The following PTPRU variants were observed in gnomAD, a reference collection of about 807,000 sequenced individuals.
PTPRU encodes protein tyrosine phosphatase receptor type U.
Under a neutral mutation model 166.3 loss-of-function variants are expected in PTPRU, and 69 were observed. That is an observed-to-expected ratio of 0.41 (90% CI 0.34 to 0.51). PTPRU has a LOEUF of 0.51. Among genes scored for constraint, PTPRU ranks in the 20% least tolerant of loss-of-function variants. The pLI is 0.09. For missense variants in PTPRU, 1,657 were observed against 2,013.7 expected (o/e 0.82, Z 3.39); for synonymous variants, 793 against 814.0 (o/e 0.97, Z 0.44).
rs1216323668 is a variant in PTPRU at position 29,237,869 on chromosome 1, CG to C, written c.73+1155del. On this transcript the variant is annotated intron_variant, in intron 1 of 29. Coordinates refer to ENST00000373779, the MANE Select transcript of PTPRU (RefSeq NM_133178.4). This position sits in a 1 kb window ranked among gnomAD's most constrained non-coding sequence, Gnocchi z 6.4. ...CGGTGGCCGGGCCGCGGCTGCGCCC[CG>C]GGCGGCCGGGCGGGGGCTGTCCCCG... Among the ~76,000 whole-genome samples, 1 of 146,236 alleles carries C rather than the reference CG, an allele frequency of 6.8e-6. No homozygotes were observed. Among genetic ancestry groups the C allele is most frequent in the African/African-American group, 2.5e-5 (1 of 40,760 alleles).
At chr1:29,242,272 A>G (rs1263221646) in intron 1 of PTPRU, among the ~76,000 whole-genome samples, 1 of 152,128 alleles carries the variant, frequency 6.6e-6, no homozygotes, top group African/African-American at 2.4e-5. Flanking sequence ...ATGTGTCCAC[A>G]AGGGGTGTGG....
At position 29,320,164 on chromosome 1, in the gene PTPRU, T is replaced by C. The variant is rs1377149539; in HGVS notation, c.3688-521T>C. ...TCAGGAAATATACAATGAAATGTCA[T>C]CAACTGGAAATTTCTACAAAAACAG... On this transcript the variant is annotated intron_variant, in intron 25 of 29. Coordinates refer to ENST00000373779, the MANE Select transcript of PTPRU (RefSeq NM_133178.4). The surrounding 1 kb of genome is among the most constrained non-coding windows in gnomAD (Gnocchi z 5.2). 6.6e-6 allele frequency: 1 copy of C among 152,648 alleles called. No individual in the cohort carries two copies. The highest frequency in any genetic ancestry group is 2.4e-5 in the African/African-American group (1 of 41,466). The allele number at this position is 152,648 out of a possible 1,614,324, so 9.5% of individuals were successfully genotyped here. A position where few individuals can be genotyped will look rare whatever the true frequency, so the allele number is the denominator to read the frequency against.
Position 29,291,809 on chromosome 1 carries a change from C to A in PTPRU, c.2319-60C>A. ...CCTTACTCCAGGGCCTCCCCAGCCA[C>A]CTCTGGGTGCTGTCCAGCCCCACAC... On this transcript the variant is annotated intron_variant, in intron 14 of 29. Transcript: ENST00000373779. The surrounding 1 kb of genome is among the most constrained non-coding windows in gnomAD (Gnocchi z 4.1). 6.3e-7 allele frequency: 1 copy of A among 1,580,608 alleles called. No individual in the cohort carries two copies. The highest frequency in any genetic ancestry group is 1.1e-5 in the South Asian group (1 of 87,016).
intron 1 of PTPRU, among the ~76,000 whole-genome samples, chr1:29,247,627 C>T (rs1460103036): frequency 1.3e-5 from 2 of 152,230 alleles, no homozygotes; most frequent in Non-Finnish European, 2.9e-5. Flanking sequence ...ACCACTGCAC[C>T]ACTGCACAAC....
chr1:29,263,785 ATCT>A (rs1038738063), intron 7 of PTPRU, among the ~76,000 whole-genome samples: 3 of 152,182 alleles, frequency 2.0e-5, no homozygotes, highest in Non-Finnish European at 2.9e-5. Context: ...CCATTTCTAT[ATCT>A]TCTTTGTAGA....
chr1:29,280,304 C>T lies in PTPRU; in HGVS notation c.1868+163C>T, dbSNP rs1159217456. ...AGATTGTTCTGTGATGCTTGGCAGG[C>T]AAGAAGCCTGCAGTCCCTCCCCTCT... On this transcript the variant is annotated intron_variant, in intron 11 of 29. Coordinates refer to ENST00000373779, the MANE Select transcript of PTPRU (RefSeq NM_133178.4). The surrounding 1 kb of genome is among the most constrained non-coding windows in gnomAD (Gnocchi z 4.2). 2.6e-5 allele frequency among the ~76,000 whole-genome samples: 4 copies of T among 152,210 alleles called. No individual in the cohort carries two copies. The highest frequency in any genetic ancestry group is 4.4e-5 in the Non-Finnish European group (3 of 68,030).
chr1:29,325,255 C>T lies in PTPRU; in HGVS notation c.4177C>T (p.His1393Tyr). Residue 1393 changes from histidine to tyrosine, a missense_variant, in exon 29 of 30, where the codon CAC becomes TAC. His to Tyr is a moderately conservative substitution (Grantham distance 83). Around this residue, in one of 3 missense-constraint regions of PTPRU, gnomAD observed 1,190 missense variants for 1,477.4 expected, o/e 0.81. Transcript: ENST00000373779. ...CACGGTCCTGGAGATGATCCGCTGCCACAACTTGGTGGACGTTTTCTTTGC... is the reference window on the plus strand; with the variant it reads ...CACGGTCCTGGAGATGATCCGCTGCTACAACTTGGTGGACGTTTTCTTTGC... ...CATVLEMIRCHNLVDVFFAAK... is the reference protein window; with the variant it reads ...CATVLEMIRCYNLVDVFFAAK... 2 of 1,614,206 alleles carry T rather than the reference C, an allele frequency of 1.2e-6. No individual in the cohort carries two copies. The highest frequency in any genetic ancestry group is 1.1e-5 in the South Asian group (1 of 91,086).
At chr1:29,284,263 G>T (rs982265358) in intron 13 of PTPRU, among the ~76,000 whole-genome samples, 11 of 152,144 alleles carry the variant, frequency 7.2e-5, no homozygotes, top group Non-Finnish European at 1.5e-4. Context: ...TATCTGTCCG[G>T]CTTTCCTGTG....
Position 29,289,550 on chromosome 1 carries a change from A to T in PTPRU, c.2319-2319A>T. On this transcript the variant is annotated intron_variant, in intron 14 of 29. Transcript: ENST00000373779. The stretch of plus-strand genomic sequence containing the variant: ...CCAGGGAGGTCCTCCTGACCTGTTC[A>T]GTCCCTGGCCAGCCCCCTCCCCAGC... 3 of 1,015,672 alleles carry T rather than the reference A, an allele frequency of 3.0e-6. No homozygotes were observed. In the East Asian group the frequency reaches 7.7e-5, roughly 26 times the overall value. 62.9% of individuals were successfully genotyped at this position (1,015,672 alleles called of 1,614,324 possible).
At chr1:29,278,426 T>C (rs1194312710) in intron 8 of PTPRU, among the ~76,000 whole-genome samples, 1 of 152,220 alleles carries the variant, frequency 6.6e-6, no homozygotes. Context: ...AGTATACATT[T>C]ACACAAGAAA....
rs780059343 is a variant in PTPRU at position 29,317,777 on chromosome 1, C to T, written c.3543C>T (p.Asp1181=). 1.6e-5 allele frequency: 25 copies of T among 1,611,752 alleles called. No individual in the cohort carries two copies. In the East Asian group the frequency reaches 3.3e-4, roughly 22 times the overall value. Residue 1181 remains aspartate, a synonymous_variant, in exon 25 of 30, where the codon GAC becomes GAT. Transcript: ENST00000373779. The surrounding 1 kb of genome is among the most constrained non-coding windows in gnomAD (Gnocchi z 5.6). ...QTLNSVTPPL[D]VEECSIALLP... ...TGAACTCGGTCACCCCGCCGCTGGA[C>T]GTGGAGGAGTGCAGCATCGCCCTGT...
At chr1:29,289,557 G>A (rs983386019) in intron 14 of PTPRU, 58 of 1,142,546 alleles carry the variant, frequency 5.1e-5, no homozygotes, top group Non-Finnish European at 7.0e-5. Flanking sequence ...TTCAGTCCCT[G>A]GCCAGCCCCC....
chr1:29,285,385 C>T (rs1045618895), intron 14 of PTPRU, among the ~76,000 whole-genome samples: 2 of 152,154 alleles, frequency 1.3e-5, no homozygotes, highest in Non-Finnish European at 2.9e-5. Context: ...CCTGTGGATC[C>T]TTGAGGAGCC....
chr1:29,244,538 T>C (rs1458012253), intron 1 of PTPRU, among the ~76,000 whole-genome samples: 1 of 152,072 alleles, frequency 6.6e-6, no homozygotes, highest in Non-Finnish European at 1.5e-5. Flanking sequence ...TGTGTATGTA[T>C]GTGTGTTTAC....
intron 1 of PTPRU, among the ~76,000 whole-genome samples, chr1:29,246,852 A>G (rs983953258): frequency 6.6e-6 from 1 of 152,020 alleles, no homozygotes; most frequent in Admixed American, 6.6e-5. Context: ...CTGACCTCAA[A>G]TGATCCACCT....
At chr1:29,283,029 A>G (rs1686161739) in intron 12 of PTPRU, 80 bp downstream of exon 12, 3 of 1,552,558 alleles carry the variant, frequency 1.9e-6, no homozygotes, top group Admixed American at 1.7e-5. Flanking sequence ...GAGCAGGCCC[A>G]GCGCAGACTC....
intron 18 of PTPRU, chr1:29,307,178 C>T (rs928994635): frequency 6.2e-7 from 1 of 1,605,004 alleles, no homozygotes; most frequent in African/African-American, 1.3e-5. Flanking sequence ...TCCTCCTCCT[C>T]CTCTTCCTCC....
intron 18 of PTPRU, 43 bp from the exon 19 acceptor site, chr1:29,310,701 G>T (rs1028559736): frequency 1.3e-6 from 2 of 1,587,408 alleles, no homozygotes; most frequent in East Asian, 2.2e-5. Flanking sequence ...GGAGTGAGGG[G>T]CTACTCCCTG....
intron 15 of PTPRU, among the ~76,000 whole-genome samples, chr1:29,300,074 A>T (rs1048629168): frequency 1.3e-5 from 2 of 152,092 alleles, no homozygotes; most frequent in African/African-American, 4.8e-5. Flanking sequence ...CTTTATATAC[A>T]TTATTATATT....
Sources: allele counts gnomAD v4.1 joint callset (sites outside exome capture counted in the v4.1 genomes callset), GRCh38; gene constraint gnomAD v4.1.1; regional missense constraint gnomAD v4.1.1; non-coding constraint Gnocchi (gnomAD v3.1); transcripts MANE v1.5; gene names NCBI Gene and HGNC (gene_info 2026-07-23, HGNC 2026-07-21).